Variants in ABAT observed in about 807,000 individuals in gnomAD.
ABAT encodes the protein 4-aminobutyrate aminotransferase, mitochondrial.
ABAT carries 45 observed loss-of-function variants against 64.6 expected under a neutral mutation model. That is an observed-to-expected ratio of 0.70 (90% CI 0.55 to 0.89). ABAT has a LOEUF of 0.89. Among genes scored for constraint, ABAT ranks in the 40% least tolerant of loss-of-function variants. The probability of loss-of-function intolerance (pLI) is 0.00; values close to 1 mark genes in which losing one functional copy is unlikely to be tolerated. For missense variants in ABAT, 633 were observed against 658.4 expected (o/e 0.96, Z 0.42); for synonymous variants, 297 against 250.5 (o/e 1.19, Z -1.75).
At chr16:8,762,226 A>G (rs2059818278) in intron 6 of ABAT, among the ~76,000 whole-genome samples, 1 of 152,238 alleles carries the variant, frequency 6.6e-6, no homozygotes, top group Non-Finnish European at 1.5e-5. Flanking sequence ...GTTATACAAT[A>G]ATCATGGACA....
chr16:8,698,899 T>C (rs539826328), intron 1 of ABAT, among the ~76,000 whole-genome samples: 5 of 152,258 alleles, frequency 3.3e-5, no homozygotes, highest in African/African-American at 1.2e-4. Context: ...TGAGCCAAGA[T>C]TGCGCCACTG....
chr16:8,701,222 C>T (rs1258411315), intron 1 of ABAT, among the ~76,000 whole-genome samples: 1 of 152,218 alleles, frequency 6.6e-6, no homozygotes, highest in East Asian at 1.9e-4. Context: ...GCGTGAGCCA[C>T]AATACCAGTC....
intron 1 of ABAT, among the ~76,000 whole-genome samples, chr16:8,732,436 C>T (rs2058755715): frequency 6.6e-6 from 1 of 150,504 alleles, no homozygotes; most frequent in African/African-American, 2.5e-5. Context: ...AACGAGCCTG[C>T]TGCCTTCAAG....
chr16:8,725,065 T>C lies in ABAT; in HGVS notation c.-41-10634T>C, dbSNP rs930925521. 2.0e-5 allele frequency among the ~76,000 whole-genome samples: 3 copies of C among 152,156 alleles called. 1 individual carries two copies. The highest frequency in any genetic ancestry group is 4.2e-4 in the South Asian group (2 of 4,818). The stretch of plus-strand genomic sequence containing the variant: ...CAAAGTAGCTGGGATTACAGGCGCC[T>C]GCCACCACGCCCGGCTAATTTTGTA... On this transcript the variant is annotated intron_variant, in intron 1 of 15. Coordinates refer to ENST00000268251, the MANE Select transcript of ABAT (RefSeq NM_020686.6).
chr16:8,711,822 G>GGATA (rs1438890991), intron 1 of ABAT, among the ~76,000 whole-genome samples: 2 of 148,090 alleles, frequency 1.4e-5, no homozygotes, highest in Admixed American at 6.8e-5. Context: ...ATGGATGGAT[G>GGATA]GATGGAAAAA....
intron 2 of ABAT, among the ~76,000 whole-genome samples, chr16:8,745,549 T>C (rs2059304255): frequency 6.6e-6 from 1 of 151,582 alleles, no homozygotes; most frequent in Non-Finnish European, 1.5e-5. Flanking sequence ...ATACCAAAAT[T>C]AGCCAGGCAT....
chr16:8,733,588 G>C (rs1374293546), intron 1 of ABAT, among the ~76,000 whole-genome samples: 1 of 151,926 alleles, frequency 6.6e-6, no homozygotes, highest in East Asian at 1.9e-4. Context: ...CCGGCACCTC[G>C]GGAGGCCGAG....
At chr16:8,727,410 C>A (rs2088354231) in intron 1 of ABAT, among the ~76,000 whole-genome samples, 1 of 152,190 alleles carries the variant, frequency 6.6e-6, no homozygotes, top group Non-Finnish European at 1.5e-5. Flanking sequence ...CGAGCACTTG[C>A]CTTATCCCTG....
In ABAT at chr16:8,727,987, C is replaced by T. The variant is rs576048746; in HGVS notation, c.-41-7712C>T. On this transcript the variant is annotated intron_variant, in intron 1 of 15. Transcript: ENST00000268251. ...TTGGACGGCTGAGATGGGAAGATTG[C>T]TAGAGCCCGGGCGATAGAGGCTGCA... Among the ~76,000 whole-genome samples the T allele has an allele frequency of 2.0e-5, 3 of 152,278 alleles. No homozygotes were observed. In the South Asian group the frequency reaches 6.2e-4, roughly 32 times the overall value.
rs1334341073 is a variant in ABAT, at chr16:8,763,061, A to G, written c.367-1008A>G. On this transcript the variant is annotated intron_variant, in intron 6 of 15. Coordinates refer to ENST00000268251, the MANE Select transcript of ABAT (RefSeq NM_020686.6). The stretch of plus-strand genomic sequence containing the variant: ...GAGGTTGAGGCTGCAGTAAGCTGAT[A>G]TCACGCTACTGCACTCCAACCTGAG... Among the ~76,000 whole-genome samples, 5 of 150,466 alleles carry G rather than the reference A, an allele frequency of 3.3e-5. No homozygotes were observed. The East Asian group carries it at 5.9e-4, about 18-fold the overall frequency.
At chr16:8,748,801 T>C (rs754685875) in intron 4 of ABAT, among the ~76,000 whole-genome samples, 2 of 152,208 alleles carry the variant, frequency 1.3e-5, no homozygotes, top group Non-Finnish European at 1.5e-5. Context: ...ATTTTTATAG[T>C]CTATTTTTTC....
chr16:8,690,132 A>G (rs571281317), intron 1 of ABAT, among the ~76,000 whole-genome samples: 3 of 152,208 alleles, frequency 2.0e-5, no homozygotes, highest in South Asian at 4.1e-4. Context: ...TGAACATTTC[A>G]TTTTTGCTAG....
chr16:8,758,761 C>T (rs1053070711), intron 6 of ABAT, among the ~76,000 whole-genome samples: 1 of 152,142 alleles, frequency 6.6e-6, no homozygotes, highest in Non-Finnish European at 1.5e-5. Context: ...TACATGACAC[C>T]TGTCTCTATC....
chr16:8,680,984 A>T (rs2052235), intron 1 of ABAT, among the ~76,000 whole-genome samples: 68,811 of 145,310 alleles, frequency 0.47, 16,305 homozygotes, highest in East Asian at 0.76. Flanking sequence ...TTATTTATCT[A>T]TTTTTTTTTT....
intron 1 of ABAT, among the ~76,000 whole-genome samples, chr16:8,724,767 A>C (rs1567286800): frequency 6.7e-5 from 9 of 133,900 alleles, no homozygotes; most frequent in African/African-American, 2.5e-4. Flanking sequence ...AAAAAAAAAA[A>C]AACAATGGCA....
intron 2 of ABAT, among the ~76,000 whole-genome samples, chr16:8,743,834 A>G (rs947512784): frequency 6.6e-6 from 1 of 152,012 alleles, no homozygotes; most frequent in Non-Finnish European, 1.5e-5. Context: ...CCCCAGTAAG[A>G]GGAACTAACA....
At chr16:8,688,059 TA>T in intron 1 of ABAT, among the ~76,000 whole-genome samples, 1 of 137,572 alleles carries the variant, frequency 7.3e-6, no homozygotes, top group South Asian at 2.5e-4. Context: ...CCTGCCCCGC[TA>T]TTTTACTTAT....
chr16:8,746,386 G>A (rs1239360516), intron 3 of ABAT, among the ~76,000 whole-genome samples: 1 of 151,624 alleles, frequency 6.6e-6, no homozygotes. Context: ...AACCCTGTCT[G>A]TACTCAAAAT....
chr16:8,711,419 G>A (rs942159123), intron 1 of ABAT, among the ~76,000 whole-genome samples: 3 of 152,184 alleles, frequency 2.0e-5, no homozygotes, highest in African/African-American at 7.2e-5. Context: ...CCGTGGCGTG[G>A]TGGTGAAGGA....
Sources: allele counts gnomAD v4.1 joint callset (sites outside exome capture counted in the v4.1 genomes callset), GRCh38; gene constraint gnomAD v4.1.1; transcripts MANE v1.5; gene names NCBI Gene and HGNC (gene_info 2026-07-23, HGNC 2026-07-21).